The following ARHGAP6 variants were observed in gnomAD, a reference collection of about 807,000 sequenced individuals.
The protein encoded by ARHGAP6 is rho GTPase-activating protein 6.
ARHGAP6 carries 16 observed loss-of-function variants against 55.7 expected under a neutral mutation model. That is an observed-to-expected ratio of 0.29 (90% CI 0.19 to 0.44). ARHGAP6 has a LOEUF of 0.44. Among genes scored for constraint, ARHGAP6 ranks in the 20% least tolerant of loss-of-function variants. The probability of loss-of-function intolerance (pLI) is 1.00; values close to 1 mark genes in which losing one functional copy is unlikely to be tolerated. For synonymous variants in ARHGAP6, 382 were observed against 360.9 expected, an observed-to-expected ratio of 1.06 and a Z score of -0.66; for missense variants, 698 against 808.9, an observed-to-expected ratio of 0.86 and a Z score of 1.66.
intron 1 of ARHGAP6, among the ~76,000 whole-genome samples, chrX:11,293,660 G>C (rs1174028016): frequency 8.9e-6 from 1 of 111,754 alleles, no homozygotes; most frequent in Non-Finnish European, 1.9e-5. Context: ...ATGCAACAAA[G>C]TGCTTGTCTA....
chrX:11,650,117 C>T (rs1216596598), intron 1 of ARHGAP6, among the ~76,000 whole-genome samples: 1 of 108,403 alleles, frequency 9.2e-6, no homozygotes, highest in Non-Finnish European at 1.9e-5. Flanking sequence ...GCCTCAGCCT[C>T]CCAAGTAGCT....
At chrX:11,488,391 C>A (rs2050532177) in intron 1 of ARHGAP6, among the ~76,000 whole-genome samples, 1 of 111,951 alleles carries the variant, frequency 8.9e-6, no homozygotes, top group Non-Finnish European at 1.9e-5. Context: ...TTCCTTATAC[C>A]ATTACTTCGA....
intron 2 of ARHGAP6, among the ~76,000 whole-genome samples, chrX:11,206,215 T>C (rs1436086012): frequency 8.9e-6 from 1 of 112,117 alleles, no homozygotes; most frequent in African/African-American, 3.2e-5. Context: ...TTATTTTTTA[T>C]TCATTGATGA....
At chrX:11,471,049 C>T (rs1330508707) in intron 1 of ARHGAP6, among the ~76,000 whole-genome samples, 1 of 110,953 alleles carries the variant, frequency 9.0e-6, no homozygotes, top group Non-Finnish European at 1.9e-5. Flanking sequence ...AAGGTTTGGC[C>T]CACCACAAGG....
chrX:11,215,506 C>T (rs1040845391), intron 2 of ARHGAP6, among the ~76,000 whole-genome samples: 1 of 113,121 alleles, frequency 8.8e-6, no homozygotes, highest in South Asian at 3.6e-4. Context: ...ACAGGAGACT[C>T]GGGGCGGGCC....
chrX:11,211,284 C>T (rs1419514639), intron 2 of ARHGAP6, among the ~76,000 whole-genome samples: 1 of 103,425 alleles, frequency 9.7e-6, no homozygotes, highest in African/African-American at 3.6e-5. Flanking sequence ...TGCACTGGCG[C>T]GATCTCGGCT....
In ARHGAP6 at chrX:11,174,602, TTC is replaced by T. The variant is rs1439879582; in HGVS notation, c.1629+3496_1629+3497del. Among the ~76,000 whole-genome samples the T allele has an allele frequency of 6.6e-4, 60 of 90,505 alleles. 1 individual carries two copies. Among genetic ancestry groups the T allele is most frequent in the East Asian group, 1.7e-3 (5 of 2,928 alleles). 78.6% of individuals were successfully genotyped at this position (90,505 alleles called of 115,157 possible). A position where few individuals can be genotyped will look rare whatever the true frequency, so the allele number is the denominator to read the frequency against. On this transcript the variant is annotated intron_variant, in intron 8 of 12. Transcript: ENST00000337414. Reference sequence around the variant, plus strand: ...TCTTTCTTTCTTTCTTTTTCTTTCTTTCTTTCTTTCTTTCTCTTTCTTTTCTT... The same window carrying T: ...TCTTTCTTTCTTTCTTTTTCTTTCTTTTTCTTTCTTTCTCTTTCTTTTCTT...
intron 1 of ARHGAP6, among the ~76,000 whole-genome samples, chrX:11,436,851 G>A (rs765410366): frequency 6.8e-5 from 7 of 103,629 alleles, no homozygotes; most frequent in Admixed American, 2.1e-4. Flanking sequence ...AGTAGATGTC[G>A]GGTTGCCTAG....
At chrX:11,156,365 C>G (rs934362639) in intron 10 of ARHGAP6, among the ~76,000 whole-genome samples, 164 bp downstream of exon 10, 3 of 112,075 alleles carry the variant, frequency 2.7e-5, no homozygotes, top group African/African-American at 9.7e-5. Context: ...TGATGGGACC[C>G]GAAGCATTTT....
At chrX:11,585,090 G>T (rs980234366) in intron 1 of ARHGAP6, among the ~76,000 whole-genome samples, 10 of 112,060 alleles carry the variant, frequency 8.9e-5, no homozygotes, top group African/African-American at 3.2e-4. Flanking sequence ...CTCCATCCAC[G>T]TTCCTGCAAA....
intron 1 of ARHGAP6, among the ~76,000 whole-genome samples, chrX:11,415,935 C>T (rs998494587): frequency 9.0e-6 from 1 of 111,681 alleles, no homozygotes; most frequent in Non-Finnish European, 1.9e-5. Context: ...TTTTTTATGC[C>T]ACTGAATGTC....
chrX:11,420,249 C>T (rs1382881192), intron 1 of ARHGAP6, among the ~76,000 whole-genome samples: 2 of 112,103 alleles, frequency 1.8e-5, no homozygotes, highest in African/African-American at 6.5e-5. Flanking sequence ...ATCACTGGAT[C>T]TACCTTTACG....
intron 1 of ARHGAP6, among the ~76,000 whole-genome samples, chrX:11,613,993 T>C (rs1031188698): frequency 8.9e-6 from 1 of 111,962 alleles, no homozygotes; most frequent in Admixed American, 9.4e-5. Flanking sequence ...CTGCAGACCA[T>C]CATGGCACCA....
At chrX:11,541,892 G>A (rs188789364) in intron 1 of ARHGAP6, among the ~76,000 whole-genome samples, 9 of 112,310 alleles carry the variant, frequency 8.0e-5, no homozygotes, top group Middle Eastern at 4.6e-3. Context: ...CTGTATAAGC[G>A]TTTGGTTTCA....
At chrX:11,590,792 A>G (rs1035772144) in intron 1 of ARHGAP6, among the ~76,000 whole-genome samples, 1 of 36,857 alleles carries the variant, frequency 2.7e-5, no homozygotes, top group Non-Finnish European at 4.1e-5. Context: ...AAAAGAAAAG[A>G]AAAGAAAAGA....
chrX:11,553,831 A>G (rs1015120888), intron 1 of ARHGAP6, among the ~76,000 whole-genome samples: 3 of 111,986 alleles, frequency 2.7e-5, no homozygotes, highest in Admixed American at 1.9e-4. Context: ...TTCAACTAGC[A>G]AGTAACTAGT....
At position 11,163,725 on chromosome X, in the gene ARHGAP6, C is replaced by T. The variant is rs191135240; in HGVS notation, c.1809+5780G>A. Among the ~76,000 whole-genome samples the T allele has an allele frequency of 9.8e-5, 11 of 111,869 alleles. No individual in the cohort carries two copies. The East Asian group carries it at 1.4e-3, about 14-fold the overall frequency. ...TAATAATTTAAGGGGTCTGGGTGCA[C>T]GGGAGGGTCAAGATGCATTAAATTC... On this transcript the variant is annotated intron_variant, in intron 9 of 12. Transcript: ENST00000337414.
chrX:11,206,141 C>G (rs932593801), intron 2 of ARHGAP6, among the ~76,000 whole-genome samples: 3 of 111,938 alleles, frequency 2.7e-5, no homozygotes, highest in African/African-American at 6.5e-5. Flanking sequence ...AATCCCACCT[C>G]TTCCTGAAAC....
At chrX:11,372,771 C>CAAAAAAAAAAAAAAAAA (rs1171647934) in intron 1 of ARHGAP6, among the ~76,000 whole-genome samples, 7 of 14,354 alleles carry the variant, frequency 4.9e-4, no homozygotes, top group African/African-American at 1.1e-3. Flanking sequence ...GACTCCATCT[C>CAAAAAAAAAAAAAAAAA]AAAAAAAAAA....
Sources: gnomAD v4.1 joint callset for allele counts (sites outside exome capture counted in the v4.1 genomes callset) on GRCh38, gnomAD v4.1.1 for gene constraint, MANE v1.5 for transcripts, NCBI Gene and HGNC (gene_info 2026-07-23, HGNC 2026-07-21) for gene names.